Variants in GRM7 observed in about 807,000 individuals in gnomAD.
The protein encoded by GRM7 is metabotropic glutamate receptor 7.
In GRM7, 35 loss-of-function variants were observed where a neutral mutation model predicts 84.5. That is an observed-to-expected ratio of 0.41 (90% CI 0.32 to 0.55). The LOEUF (loss-of-function observed/expected upper bound fraction) is 0.55. GRM7 is among the 20% of genes least tolerant of loss of function. The probability of loss-of-function intolerance (pLI) is 0.19; values close to 1 mark genes in which losing one functional copy is unlikely to be tolerated. For synonymous variants in GRM7, 487 were observed against 455.1 expected, an observed-to-expected ratio of 1.07 and a Z score of -0.89; for missense variants, 1,003 against 1,194.6, an observed-to-expected ratio of 0.84 and a Z score of 2.36.
In GRM7 at chr3:7,562,279, G is replaced by A. The variant is rs186150110; in HGVS notation, c.1516-16143G>A. Among the ~76,000 whole-genome samples the A allele has an allele frequency of 8.1e-3, 1,224 of 151,800 alleles. 10 individuals carry two copies. Among genetic ancestry groups the A allele is most frequent in the Non-Finnish European group, 0.014 (940 of 67,932 alleles). On this transcript the variant is annotated intron_variant, in intron 7 of 9. Transcript: ENST00000357716. ...AGTCAGCAGGAGGTGCATGAACAAA[G>A]GCATGGACACGATGTGCCAGGAAAA...
chr3:7,217,313 T>C (rs1312985113), intron 2 of GRM7, among the ~76,000 whole-genome samples: 1 of 152,174 alleles, frequency 6.6e-6, no homozygotes, highest in Non-Finnish European at 1.5e-5. Flanking sequence ...TAATTCCCAC[T>C]CAACTGGCAA....
chr3:7,110,329 G>A lies in GRM7; in HGVS notation c.520-36123G>A, dbSNP rs112343042. ...TATAATACTGATTCAGGCCAGGCAC[G>A]GTGGCTCATGCCAGTAATCCCAGCA... On this transcript the variant is annotated intron_variant, in intron 1 of 9. Transcript: ENST00000357716. 2.5e-3 allele frequency among the ~76,000 whole-genome samples: 379 copies of A among 152,120 alleles called. 2 individuals are homozygous for A. Among genetic ancestry groups the A allele is most frequent in the African/African-American group, 8.8e-3 (367 of 41,514 alleles).
rs1459658606 is a variant in GRM7 at position 6,945,536 on chromosome 3, T to C, written c.519+83629T>C. On this transcript the variant is annotated intron_variant, in intron 1 of 9. Coordinates refer to ENST00000357716, the MANE Select transcript of GRM7 (RefSeq NM_000844.4). ...CGCAATAAACATACATGTGCATGTG[T>C]CTTTATAGCAGCATGATTTATAATC... Among the ~76,000 whole-genome samples, 179 of 151,856 alleles carry C rather than the reference T, an allele frequency of 1.2e-3. 2 individuals are homozygous for C. Among genetic ancestry groups the C allele is most frequent in the African/African-American group, 4.2e-3 (173 of 41,138 alleles).
At chr3:7,485,176 A>G (rs1699274345) in intron 7 of GRM7, among the ~76,000 whole-genome samples, 1 of 152,150 alleles carries the variant, frequency 6.6e-6, no homozygotes, top group South Asian at 2.1e-4. Flanking sequence ...CCCAACTAAA[A>G]TGTGTCCAGA....
At chr3:7,655,868 A>G (rs1010278014) in intron 8 of GRM7, among the ~76,000 whole-genome samples, 1 of 152,226 alleles carries the variant, frequency 6.6e-6, no homozygotes, top group Non-Finnish European at 1.5e-5. Flanking sequence ...AACCCAAAAT[A>G]AATGCATCCA....
chr3:6,967,162 T>G (rs1434048817), intron 1 of GRM7, among the ~76,000 whole-genome samples: 1 of 152,192 alleles, frequency 6.6e-6, no homozygotes, highest in Non-Finnish European at 1.5e-5. Flanking sequence ...TAGTAAGGCC[T>G]TAATAAGACT....
At chr3:7,085,677 G>A (rs1161317263) in intron 1 of GRM7, among the ~76,000 whole-genome samples, 1 of 152,058 alleles carries the variant, frequency 6.6e-6, no homozygotes, top group African/African-American at 2.4e-5. Flanking sequence ...TGAGTGGTTG[G>A]CATGGTAGGT....
Position 7,103,816 on chromosome 3 carries a change from T to TTCTCTCTCTCTC in GRM7, c.520-42634_520-42623dup, listed in dbSNP as rs796785372. On this transcript the variant is annotated intron_variant, in intron 1 of 9. Coordinates refer to ENST00000357716, the MANE Select transcript of GRM7 (RefSeq NM_000844.4). ...TTTCTTTCTTTCTTTCTTTCTTTCTTTCTCTCTCTCTCTGTCTCTCTCTCC... is the reference window on the plus strand; with the variant it reads ...TTTCTTTCTTTCTTTCTTTCTTTCTTTCTCTCTCTCTCTCTCTCTCTCTCTGTCTCTCTCTCC... Among the ~76,000 whole-genome samples the TTCTCTCTCTCTC allele has an allele frequency of 2.1e-4, 19 of 89,112 alleles. 3 individuals carry two copies. Among genetic ancestry groups the TTCTCTCTCTCTC allele is most frequent in the African/African-American group, 9.1e-4 (19 of 20,770 alleles). The allele number at this position is 89,112 out of a possible 152,430, so 58.5% of individuals were successfully genotyped here.
intron 1 of GRM7, among the ~76,000 whole-genome samples, chr3:6,942,267 C>T (rs146288885): frequency 2.6e-5 from 4 of 152,066 alleles, no homozygotes; most frequent in African/African-American, 4.8e-5. Flanking sequence ...TATAATATAT[C>T]TAAAGGGCTT....
rs35986412 is a variant in GRM7, at chr3:7,701,298, A to ATTT, written c.2698+21021_2698+21023dup. ...TCATACAGAAGATACCTGTGGTTGC[A>ATTT]TTTTTTTTTTTTTTTTTTTTGAGAC... On this transcript the variant is annotated intron_variant, in intron 9 of 9. Coordinates refer to ENST00000357716, the MANE Select transcript of GRM7 (RefSeq NM_000844.4). Among the ~76,000 whole-genome samples the ATTT allele has an allele frequency of 8.0e-3, 967 of 120,436 alleles. 29 individuals carry two copies. In the East Asian group the frequency reaches 0.099, roughly 12 times the overall value. 79.0% of individuals were successfully genotyped at this position (120,436 alleles called of 152,430 possible). A position where few individuals can be genotyped will look rare whatever the true frequency, so the allele number is the denominator to read the frequency against.
intron 7 of GRM7, among the ~76,000 whole-genome samples, chr3:7,537,120 T>C (rs1287280608): frequency 1.3e-5 from 2 of 151,670 alleles, no homozygotes; most frequent in East Asian, 3.9e-4. Flanking sequence ...TCTGGAGGAG[T>C]GTGTGAGGAC....
intron 8 of GRM7, among the ~76,000 whole-genome samples, chr3:7,619,285 C>T (rs1170229742): frequency 6.6e-6 from 1 of 152,134 alleles, no homozygotes; most frequent in East Asian, 1.9e-4. Context: ...TTGGCCCTAA[C>T]TGATGAAATG....
intron 4 of GRM7, chr3:7,403,252 C>G: frequency 2.7e-6 from 1 of 370,960 alleles, no homozygotes; most frequent in Non-Finnish European, 5.5e-6. Context: ...GATTATGATT[C>G]TTGGACAGTT....
At chr3:7,348,646 C>T (rs1297563021) in intron 4 of GRM7, among the ~76,000 whole-genome samples, 2 of 152,134 alleles carry the variant, frequency 1.3e-5, no homozygotes, top group Admixed American at 1.3e-4. Flanking sequence ...ATGGCTCCCA[C>T]ATCCCTCAAA....
chr3:7,441,726 A>G (rs568030464), intron 5 of GRM7, among the ~76,000 whole-genome samples: 34 of 152,178 alleles, frequency 2.2e-4, no homozygotes, highest in Middle Eastern at 3.4e-3. Flanking sequence ...AGCACCATTT[A>G]TTGAGTGAAT....
At chr3:7,715,200 C>T (rs1701730644) in intron 9 of GRM7, among the ~76,000 whole-genome samples, 1 of 152,156 alleles carries the variant, frequency 6.6e-6, no homozygotes, top group Admixed American at 6.5e-5. Context: ...TGGCTCACAC[C>T]TGCAATCCCA....
At chr3:7,576,072 G>A (rs995998406) in intron 7 of GRM7, among the ~76,000 whole-genome samples, 1 of 152,118 alleles carries the variant, frequency 6.6e-6, no homozygotes, top group African/African-American at 2.4e-5. Context: ...ATTTATTTTT[G>A]TTGTTGTTAT....
Position 7,669,045 on chromosome 3 carries a change from T to C in GRM7, c.2452-11004T>C, listed in dbSNP as rs9818062. 5.1e-3 allele frequency among the ~76,000 whole-genome samples: 777 copies of C among 152,332 alleles called. 5 individuals are homozygous for C. The highest frequency in any genetic ancestry group is 0.017 in the African/African-American group (709 of 41,558). On this transcript the variant is annotated intron_variant, in intron 8 of 9. Transcript: ENST00000357716. ...TGTTGGAGATGACACAGTTAGCAAG[T>C]GGCATAAGCCCGCATCCAAATCCAG... is the stretch of plus-strand genomic sequence containing the variant.
At chr3:7,043,972 C>G (rs1324553729) in intron 1 of GRM7, among the ~76,000 whole-genome samples, 1 of 152,154 alleles carries the variant, frequency 6.6e-6, no homozygotes. Flanking sequence ...GTACCGCCCC[C>G]CTGGTTCAAG....
Sources: allele counts gnomAD v4.1 joint callset (sites outside exome capture counted in the v4.1 genomes callset), GRCh38; gene constraint gnomAD v4.1.1; transcripts MANE v1.5; gene names NCBI Gene and HGNC (gene_info 2026-07-23, HGNC 2026-07-21).